SLCO2B1: variants seen among roughly 807,000 people sequenced by gnomAD.
SLCO2B1 encodes the protein solute carrier organic anion transporter family member 2B1, also known as OATP-RP2.
In SLCO2B1, 41 loss-of-function variants were observed where a neutral mutation model predicts 67.3. The observed-to-expected ratio is 0.61, with a 90% confidence interval of 0.47 to 0.79. SLCO2B1 has a LOEUF of 0.79. Among genes scored for constraint, SLCO2B1 ranks in the 30% least tolerant of loss-of-function variants. The pLI is 0.00. For synonymous variants in SLCO2B1, 379 were observed against 381.4 expected, an observed-to-expected ratio of 0.99 and a Z score of 0.07; for missense variants, 837 against 920.1, an observed-to-expected ratio of 0.91 and a Z score of 1.17.
rs1175462094 is a variant in SLCO2B1 at position 75,172,432 on chromosome 11, G to A, written c.835G>A (p.Gly279Ser). The A allele has an allele frequency of 6.2e-7, 1 of 1,614,200 alleles. No individual in the cohort carries two copies. The highest frequency in any genetic ancestry group is 8.5e-7 in the Non-Finnish European group (1 of 1,180,010). The change falls in exon 7 of 14, where the codon GGT (glycine) becomes AGT (serine). Residue 279 changes from glycine (G) to serine (S), a missense_variant. Physicochemically the swap from Gly to Ser is moderately conservative, Grantham distance 56. Coordinates refer to ENST00000289575, the MANE Select transcript of SLCO2B1 (RefSeq NM_007256.5). ...DPRWVGAWWL[G>S]FLIAAGAVAL... ...CCGATGGGTGGGTGCCTGGTGGCTG[G>A]GTTTCCTCATCGCTGCCGGTGCAGT...
At chr11:75,203,236 T>C (rs1945212082) in intron 12 of SLCO2B1, 71 bp from the exon 13 acceptor site, 3 of 1,575,930 alleles carry the variant, frequency 1.9e-6, no homozygotes, top group Admixed American at 3.5e-5. Context: ...CCCTGAGGGG[T>C]TGTACATGCC....
rs1945273942 is a variant in SLCO2B1 at position 75,206,163 on chromosome 11, T to C, written c.*1583T>C. ...CAATATGAGGCTTTTAGGATGTTTA[T>C]ATTCCTTCATCCCTCTTGTTTCCCA... On this transcript the variant is annotated 3_prime_UTR_variant, in exon 14 of 14. Transcript: ENST00000289575. 1 of 152,246 alleles carries C rather than the reference T, an allele frequency of 6.6e-6. No individual in the cohort carries two copies. The highest frequency in any genetic ancestry group is 6.5e-5 in the Admixed American group (1 of 15,286). 9.4% of individuals were successfully genotyped at this position (152,246 alleles called of 1,614,324 possible). A position where few individuals can be genotyped will look rare whatever the true frequency, so the allele number is the denominator to read the frequency against.
chr11:75,169,148 A>G (rs1949928362), intron 4 of SLCO2B1, 25 bp from the exon 5 acceptor site: 1 of 1,579,158 alleles, frequency 6.3e-7, no homozygotes, highest in Non-Finnish European at 8.7e-7. Context: ...TATTGTTATA[A>G]TATTTTTTCA....
At chr11:75,198,825 G>C (rs1468857413) in intron 10 of SLCO2B1, among the ~76,000 whole-genome samples, 1 of 152,246 alleles carries the variant, frequency 6.6e-6, no homozygotes, top group Non-Finnish European at 1.5e-5. Context: ...AATGAGGTAA[G>C]GTGGGGCAGG....
chr11:75,196,373 C>T lies in SLCO2B1; in HGVS notation c.1434-141C>T, dbSNP rs373506146. On this transcript the variant is annotated intron_variant, in intron 9 of 13. Coordinates refer to ENST00000289575, the MANE Select transcript of SLCO2B1 (RefSeq NM_007256.5). ...AAGGAGCTCACTATCACGCCATCAT[C>T]GGGCAGCCCTGATGATGAAAATCCT... 1.3e-4 allele frequency: 105 copies of T among 804,500 alleles called. 1 individual carries two copies. The highest frequency in any genetic ancestry group is 9.3e-4 in the South Asian group (50 of 53,992). 49.8% of individuals were successfully genotyped at this position (804,500 alleles called of 1,614,324 possible).
At chr11:75,178,444 T>G (rs1232503603) in intron 7 of SLCO2B1, among the ~76,000 whole-genome samples, 1 of 152,268 alleles carries the variant, frequency 6.6e-6, no homozygotes, top group Non-Finnish European at 1.5e-5. Flanking sequence ...GTGCCTTTTT[T>G]CTAAACTTGT....
intron 7 of SLCO2B1, among the ~76,000 whole-genome samples, chr11:75,181,657 C>G (rs761358887): frequency 1.2e-4 from 18 of 152,126 alleles, no homozygotes; most frequent in Non-Finnish European, 2.2e-4. Flanking sequence ...GCGCCTGGAT[C>G]CCTGGGGGCC....
chr11:75,167,375 AT>A (rs1326648140), intron 4 of SLCO2B1, among the ~76,000 whole-genome samples: 1 of 152,170 alleles, frequency 6.6e-6, no homozygotes, highest in African/African-American at 2.4e-5. Context: ...GTGCAAGGTC[AT>A]GCATGTTCTT....
intron 1 of SLCO2B1, among the ~76,000 whole-genome samples, chr11:75,155,325 C>T (rs779008230): frequency 2.0e-5 from 3 of 152,126 alleles, no homozygotes; most frequent in Non-Finnish European, 4.4e-5. Context: ...TGGGCCAGGC[C>T]GAACAAGGAA....
In SLCO2B1 at chr11:75,188,152, C is replaced by G. The variant is rs1291223663; in HGVS notation, c.989C>G (p.Ser330Cys). The change falls in exon 8 of 14, where the codon TCT becomes TGT. Residue 330 changes from serine (S) to cysteine (C), a missense_variant. Transcript: ENST00000289575. Reference sequence around the variant, plus strand: ...CTCCTTCAGGGCAAGGACTCTCCCTCTAAGCAGAGCCCTGGGGAGTCCACG... The same window carrying G: ...CTCCTTCAGGGCAAGGACTCTCCCTGTAAGCAGAGCCCTGGGGAGTCCACG... ...SPARKGKDSPSKQSPGESTKK... is the reference protein window; with the variant it reads ...SPARKGKDSPCKQSPGESTKK... 4 of 1,613,298 alleles carry G rather than the reference C, an allele frequency of 2.5e-6. No individual in the cohort carries two copies. In the African/African-American group the frequency reaches 4.0e-5, roughly 16 times the overall value.
At chr11:75,161,390 T>C (rs1949818864) in intron 1 of SLCO2B1, among the ~76,000 whole-genome samples, 1 of 152,236 alleles carries the variant, frequency 6.6e-6, no homozygotes, top group Non-Finnish European at 1.5e-5. Context: ...TTTGTAAATG[T>C]ACTAAAACCC....
chr11:75,194,806 C>T (rs929211306), intron 9 of SLCO2B1, among the ~76,000 whole-genome samples: 7 of 152,070 alleles, frequency 4.6e-5, no homozygotes, highest in African/African-American at 1.7e-4. Flanking sequence ...TCTCACACAC[C>T]CCATCTCTCT....
intron 5 of SLCO2B1, 81 bp downstream of exon 5, chr11:75,169,487 G>A: frequency 7.3e-7 from 1 of 1,365,654 alleles, no homozygotes; most frequent in Non-Finnish European, 1.0e-6. Flanking sequence ...GGTTGGGGCT[G>A]GAGATGGAAT....
intron 7 of SLCO2B1, among the ~76,000 whole-genome samples, chr11:75,174,942 T>C (rs1950005722): frequency 6.6e-6 from 1 of 152,176 alleles, no homozygotes; most frequent in South Asian, 2.1e-4. Flanking sequence ...GATGCTGAGG[T>C]TAGGTTCCTG....
intron 8 of SLCO2B1, among the ~76,000 whole-genome samples, chr11:75,192,055 T>C (rs1454049030): frequency 6.6e-6 from 1 of 152,132 alleles, no homozygotes; most frequent in Non-Finnish European, 1.5e-5. Flanking sequence ...TTGCCCCTCC[T>C]GGGCCCCTAC....
At chr11:75,176,784 G>A (rs928263089) in intron 7 of SLCO2B1, among the ~76,000 whole-genome samples, 3 of 152,216 alleles carry the variant, frequency 2.0e-5, no homozygotes, top group Admixed American at 6.5e-5. Flanking sequence ...TTGTGTCTCC[G>A]TGGCAGCATC....
At chr11:75,157,859 C>G (rs1949765854) in intron 1 of SLCO2B1, among the ~76,000 whole-genome samples, 1 of 151,996 alleles carries the variant, frequency 6.6e-6, no homozygotes. Flanking sequence ...ACCATGTCAC[C>G]CAGGCTACTC....
At chr11:75,200,651 T>G in intron 11 of SLCO2B1, 4 of 349,210 alleles carry the variant, frequency 1.1e-5, no homozygotes, top group Non-Finnish European at 2.1e-5. Flanking sequence ...ATAGTACTGG[T>G]TCCCTGGCCC....
chr11:75,202,996 G>A (rs774451215), intron 12 of SLCO2B1, 31 bp downstream of exon 12: 61 of 1,590,498 alleles, frequency 3.8e-5, no homozygotes, highest in Non-Finnish European at 5.3e-5. Context: ...CATTGGTGGT[G>A]GTGATGGGGT....
Sources: gnomAD v4.1 joint callset for allele counts (sites outside exome capture counted in the v4.1 genomes callset) on GRCh38, gnomAD v4.1.1 for gene constraint, MANE v1.5 for transcripts, NCBI Gene and HGNC (gene_info 2026-07-23, HGNC 2026-07-21) for gene names.